The following LDLRAD3 variants were observed in gnomAD, a reference collection of about 807,000 sequenced individuals.
LDLRAD3 encodes low-density lipoprotein receptor class A domain-containing protein 3.
Under a neutral mutation model 29.4 loss-of-function variants are expected in LDLRAD3, and 20 were observed. That is an observed-to-expected ratio of 0.68 (90% confidence interval 0.48 to 0.99). The LOEUF (loss-of-function observed/expected upper bound fraction) is 0.99, where lower values mean the gene tolerates loss of function less well. Among genes scored for constraint, LDLRAD3 ranks in the 50% least tolerant of loss-of-function variants. The pLI is 0.00. For missense variants in LDLRAD3, 420 were observed against 454.3 expected, an observed-to-expected ratio of 0.92 and a Z score of 0.69; for synonymous variants, 157 against 192.7, an observed-to-expected ratio of 0.81 and a Z score of 1.53.
chr11:36,075,226 A>G (rs1852977156), intron 2 of LDLRAD3, among the ~76,000 whole-genome samples: 1 of 152,166 alleles, frequency 6.6e-6, no homozygotes, highest in Non-Finnish European at 1.5e-5. Context: ...TGGAGGAATT[A>G]AGCACATCCT....
At chr11:35,966,763 T>A (rs550475082) in intron 1 of LDLRAD3, among the ~76,000 whole-genome samples, 1 of 152,194 alleles carries the variant, frequency 6.6e-6, no homozygotes, top group Non-Finnish European at 1.5e-5. Context: ...GTAAATACAA[T>A]ATCAGAAAGG....
At chr11:36,174,165 AGAAAGCT>A (rs1854638238) in intron 4 of LDLRAD3, among the ~76,000 whole-genome samples, 1 of 152,232 alleles carries the variant, frequency 6.6e-6, no homozygotes, top group Non-Finnish European at 1.5e-5. Flanking sequence ...AGCCATATGG[AGAAAGCT>A]GAAACTGGAT....
chr11:35,947,903 G>T (rs1246007130), intron 1 of LDLRAD3, among the ~76,000 whole-genome samples: 1 of 152,128 alleles, frequency 6.6e-6, no homozygotes, highest in Non-Finnish European at 1.5e-5. Flanking sequence ...TCACTTTGTG[G>T]TCACTGCCCA....
intron 1 of LDLRAD3, among the ~76,000 whole-genome samples, chr11:35,975,830 A>ATTTT (rs35771900): frequency 1.5e-5 from 2 of 136,764 alleles, no homozygotes; most frequent in Admixed American, 7.4e-5. Context: ...AGCACTGGGG[A>ATTTT]TTTTTTTTTT....
intron 1 of LDLRAD3, among the ~76,000 whole-genome samples, chr11:36,007,668 C>T (rs907790354): frequency 6.6e-6 from 1 of 152,164 alleles, no homozygotes; most frequent in Non-Finnish European, 1.5e-5. Context: ...GTCTTATGGT[C>T]CATTTTATGA....
At position 36,229,655 on chromosome 11, in the gene LDLRAD3, T is replaced by TC. The variant is rs1215652660; in HGVS notation, c.*259dup. 1.2e-5 allele frequency: 6 copies of TC among 501,224 alleles called. No individual in the cohort carries two copies. The Admixed American group carries it at 1.7e-4, about 14-fold the overall frequency. The allele number at this position is 501,224 out of a possible 1,614,324, so 31.0% of individuals were successfully genotyped here. On this transcript the variant is annotated 3_prime_UTR_variant, in exon 6 of 6. Transcript: ENST00000315571. ...GGACCCGAGATCACACCCTCATTTT[T>TC]CACATTATTCTGTTTCTGTTGGAGA...
intron 4 of LDLRAD3, among the ~76,000 whole-genome samples, chr11:36,171,514 G>A (rs138780405): frequency 7.2e-5 from 11 of 152,252 alleles, no homozygotes; most frequent in African/African-American, 2.6e-4. Flanking sequence ...TTTACATGAG[G>A]CTTGTCCATT....
intron 4 of LDLRAD3, among the ~76,000 whole-genome samples, chr11:36,221,905 C>A (rs1855434275): frequency 6.6e-6 from 1 of 152,102 alleles, no homozygotes; most frequent in African/African-American, 2.4e-5. Context: ...ATATATCCTT[C>A]TCATGGTTCC....
intron 4 of LDLRAD3, among the ~76,000 whole-genome samples, chr11:36,226,772 A>G (rs771730571): frequency 5.3e-5 from 8 of 152,206 alleles, no homozygotes; most frequent in Non-Finnish European, 7.3e-5. Context: ...TTGTATATAC[A>G]GAATCTTACA....
At chr11:35,946,505 G>T (rs1347436465) in intron 1 of LDLRAD3, among the ~76,000 whole-genome samples, 1 of 152,120 alleles carries the variant, frequency 6.6e-6, no homozygotes, top group Non-Finnish European at 1.5e-5. Flanking sequence ...GTGAAGCATT[G>T]ATTTTCACCG....
intron 1 of LDLRAD3, among the ~76,000 whole-genome samples, chr11:36,012,994 A>G (rs1254377499): frequency 6.6e-6 from 1 of 152,242 alleles, no homozygotes; most frequent in Non-Finnish European, 1.5e-5. Flanking sequence ...TTGAAATATA[A>G]AAAATGTCCA....
intron 4 of LDLRAD3, among the ~76,000 whole-genome samples, chr11:36,201,961 A>G (rs903138551): frequency 1.3e-5 from 2 of 152,094 alleles, no homozygotes; most frequent in Non-Finnish European, 2.9e-5. Flanking sequence ...GCAAATAAGC[A>G]CAGCTCAGCC....
chr11:36,196,450 C>T (rs909870264), intron 4 of LDLRAD3: 1 of 152,160 alleles, frequency 6.6e-6, no homozygotes, highest in Non-Finnish European at 1.5e-5. Flanking sequence ...TGAAGTGAGG[C>T]CCCATCTCAT....
chr11:36,011,898 A>G (rs1851960159), intron 1 of LDLRAD3, among the ~76,000 whole-genome samples: 1 of 152,218 alleles, frequency 6.6e-6, no homozygotes, highest in African/African-American at 2.4e-5. Flanking sequence ...GTCTAAGGGA[A>G]GTCTGAGTGG....
At chr11:36,136,863 G>A (rs962261056) in intron 4 of LDLRAD3, among the ~76,000 whole-genome samples, 1 of 152,056 alleles carries the variant, frequency 6.6e-6, no homozygotes, top group African/African-American at 2.4e-5. Context: ...GCTAATTTTT[G>A]TATTTTTAGT....
chr11:36,062,759 T>A (rs1852723594), intron 2 of LDLRAD3, among the ~76,000 whole-genome samples: 1 of 152,204 alleles, frequency 6.6e-6, no homozygotes, highest in East Asian at 1.9e-4. Context: ...AAGAAGCACG[T>A]GTTTGCTTAC....
Position 36,227,154 on chromosome 11 carries a change from C to T in LDLRAD3, c.524C>T (p.Ala175Val). The change falls in exon 5 of 6, where the codon GCC becomes GTC. Residue 175 changes from alanine to valine, a missense_variant. Physicochemically the swap from Ala to Val is moderately conservative, Grantham distance 64. This residue lies in a region of LDLRAD3 where 56 missense variants were observed against 92.2 expected (regional missense o/e 0.61). Coordinates refer to ENST00000315571, the MANE Select transcript of LDLRAD3 (RefSeq NM_174902.4). ...QLVYYPSITY[A>V]IIGSSVIFVL... ...GTGTATTACCCCAGCATCACCTATG[C>T]CATCATCGGCAGCTCCGTCATTTTT... 2 of 1,614,036 alleles carry T rather than the reference C, an allele frequency of 1.2e-6. No individual in the cohort carries two copies. Among genetic ancestry groups the T allele is most frequent in the African/African-American group, 1.3e-5 (1 of 75,048 alleles).
At chr11:36,183,388 T>C (rs1854792541) in intron 4 of LDLRAD3, among the ~76,000 whole-genome samples, 2 of 152,244 alleles carry the variant, frequency 1.3e-5, no homozygotes, top group Non-Finnish European at 2.9e-5. Context: ...ATGTTTTGAT[T>C]TTCCTATCTA....
At chr11:35,980,964 T>C (rs532586611) in intron 1 of LDLRAD3, among the ~76,000 whole-genome samples, 5 of 152,234 alleles carry the variant, frequency 3.3e-5, no homozygotes, top group Admixed American at 2.0e-4. Context: ...GAAGCTATTA[T>C]TGGGGACCCT....
Sources: gnomAD v4.1 joint callset for allele counts (sites outside exome capture counted in the v4.1 genomes callset) on GRCh38, gnomAD v4.1.1 for gene constraint, gnomAD v4.1.1 regional missense constraint, MANE v1.5 for transcripts, NCBI Gene and HGNC (gene_info 2026-07-23, HGNC 2026-07-21) for gene names.